DAPK1: variants seen among roughly 807,000 people sequenced by gnomAD.
DAPK1 encodes the protein death-associated protein kinase 1.
A neutral mutation model predicts 144.9 loss-of-function variants in DAPK1; 56 were observed. That is an observed-to-expected ratio of 0.39 (90% confidence interval 0.31 to 0.48). DAPK1 has a LOEUF of 0.48. Among genes scored for constraint, DAPK1 ranks in the 20% least tolerant of loss-of-function variants. The probability of loss-of-function intolerance (pLI) is 0.95; values close to 1 mark genes in which losing one functional copy is unlikely to be tolerated. For missense variants in DAPK1, 1,454 were observed against 1,875.4 expected (o/e 0.78, Z 4.15); for synonymous variants, 690 against 749.0 (o/e 0.92, Z 1.29).
At chr9:87,570,974 A>AG (rs1827308855) in intron 2 of DAPK1, among the ~76,000 whole-genome samples, 1 of 152,244 alleles carries the variant, frequency 6.6e-6, no homozygotes, top group South Asian at 2.1e-4. Flanking sequence ...TGAGGCTGAT[A>AG]GAAAAGTCAC....
chr9:87,606,016 C>T (rs923099711), intron 3 of DAPK1, among the ~76,000 whole-genome samples: 1 of 152,194 alleles, frequency 6.6e-6, no homozygotes, highest in African/African-American at 2.4e-5. Flanking sequence ...TGAGGACAAA[C>T]CAATCCTCAG....
intron 3 of DAPK1, among the ~76,000 whole-genome samples, chr9:87,633,619 C>T (rs1244220853): frequency 6.6e-6 from 1 of 152,102 alleles, no homozygotes; most frequent in African/African-American, 2.4e-5. Context: ...AGTCCTGGTC[C>T]CTAACTCTTG....
chr9:87,675,748 A>T (rs963102892), intron 19 of DAPK1, among the ~76,000 whole-genome samples: 2 of 151,640 alleles, frequency 1.3e-5, no homozygotes, highest in African/African-American at 4.9e-5. Flanking sequence ...AGGCTCTATT[A>T]CTTAGTGAGC....
At chr9:87,635,831 C>T (rs1215832795) in intron 3 of DAPK1, among the ~76,000 whole-genome samples, 1 of 152,176 alleles carries the variant, frequency 6.6e-6, no homozygotes, top group African/African-American at 2.4e-5. Context: ...GGACTGGATG[C>T]AGGCACTTGA....
intron 2 of DAPK1, among the ~76,000 whole-genome samples, chr9:87,603,858 T>C (rs1828614992): frequency 6.6e-6 from 1 of 152,198 alleles, no homozygotes; most frequent in South Asian, 2.1e-4. Context: ...CTTATTATTT[T>C]GAGTCAAGTT....
intron 2 of DAPK1, among the ~76,000 whole-genome samples, chr9:87,546,192 T>C (rs980116379): frequency 1.3e-5 from 2 of 152,150 alleles, no homozygotes; most frequent in Non-Finnish European, 2.9e-5. Context: ...ATCTGGGAGA[T>C]GACCGTCAAT....
Position 87,499,013 on chromosome 9 carries a change from G to A in DAPK1, c.-65G>A. On this transcript the variant is annotated 5_prime_UTR_variant, in exon 2 of 26. Transcript: ENST00000408954. Reference sequence around the variant, plus strand: ...GAGGGGGCTACGGAGGCGCAGGAGCGGTGGTGATGGTCTGGGAAGCGGAGC... The same window carrying A: ...GAGGGGGCTACGGAGGCGCAGGAGCAGTGGTGATGGTCTGGGAAGCGGAGC... 1 of 1,340,586 alleles carries A rather than the reference G, an allele frequency of 7.5e-7. No homozygotes were observed. Among genetic ancestry groups the A allele is most frequent in the South Asian group, 1.2e-5 (1 of 85,228 alleles). The allele number at this position is 1,340,586 out of a possible 1,614,324, so 83.0% of individuals were successfully genotyped here. A position where few individuals can be genotyped will look rare whatever the true frequency, so the allele number is the denominator to read the frequency against.
chr9:87,498,639 G>A (rs1016527981), intron 1 of DAPK1: 4 of 345,130 alleles, frequency 1.2e-5, no homozygotes, highest in African/African-American at 2.1e-5. Context: ...CCCTGGAGGT[G>A]GGAAAGCTGG....
At chr9:87,624,993 G>A (rs1318249853) in intron 3 of DAPK1, among the ~76,000 whole-genome samples, 2 of 152,184 alleles carry the variant, frequency 1.3e-5, no homozygotes, top group Non-Finnish European at 2.9e-5. Flanking sequence ...AACTACAGCC[G>A]GTGGTCCCGA....
chr9:87,585,710 T>C (rs1827922969), intron 2 of DAPK1, among the ~76,000 whole-genome samples: 1 of 152,232 alleles, frequency 6.6e-6, no homozygotes, highest in South Asian at 2.1e-4. Flanking sequence ...TAGTTTTATA[T>C]TATAGCTATA....
At chr9:87,594,749 T>G (rs1380913427) in intron 2 of DAPK1, among the ~76,000 whole-genome samples, 1 of 152,232 alleles carries the variant, frequency 6.6e-6, no homozygotes, top group East Asian at 1.9e-4. Flanking sequence ...TCCAAATCCT[T>G]TGCCAGTCTC....
chr9:87,560,469 T>C (rs1275913119), intron 2 of DAPK1, among the ~76,000 whole-genome samples: 2 of 152,190 alleles, frequency 1.3e-5, no homozygotes, highest in African/African-American at 2.4e-5. Flanking sequence ...AACTGAAATT[T>C]CGTGCCTACT....
chr9:87,501,442 G>A (rs1359416176), intron 2 of DAPK1, among the ~76,000 whole-genome samples: 2 of 152,224 alleles, frequency 1.3e-5, no homozygotes, highest in African/African-American at 4.8e-5. Flanking sequence ...CTATTTGGGA[G>A]GCTGAGGCAT....
intron 21 of DAPK1, among the ~76,000 whole-genome samples, chr9:87,694,686 G>A (rs60573820): frequency 0.012 from 1,776 of 152,320 alleles, 15 homozygotes; most frequent in South Asian, 0.023. Context: ...GGACAGTGGG[G>A]TCTCTGTCAA....
At chr9:87,662,571 T>TTTTGTTG (rs1284356876) in intron 18 of DAPK1, among the ~76,000 whole-genome samples, 1 of 121,306 alleles carries the variant, frequency 8.2e-6, no homozygotes, top group East Asian at 3.3e-4. Context: ...TTTTTTTTTT[T>TTTTGTTG]TTTTTTTTTT....
rs188515910 is a variant in DAPK1 at position 87,560,185 on chromosome 9, G to A, written c.63-44769G>A. Among the ~76,000 whole-genome samples, 508 of 151,638 alleles carry A rather than the reference G, an allele frequency of 3.4e-3. 1 individual carries two copies. The highest frequency in any genetic ancestry group is 5.5e-3 in the Admixed American group (84 of 15,208). On this transcript the variant is annotated intron_variant, in intron 2 of 25. Transcript: ENST00000408954. The stretch of plus-strand genomic sequence containing the variant: ...TTTGTATTTTTTTTTTAGTAGAGAC[G>A]GGGTTTCGCCATGTTGACCAGGGTG...
chr9:87,532,092 G>T (rs1440829314), intron 2 of DAPK1, among the ~76,000 whole-genome samples: 1 of 152,124 alleles, frequency 6.6e-6, no homozygotes, highest in Non-Finnish European at 1.5e-5. Context: ...CCTCATGTTG[G>T]CAATCACACA....
At chr9:87,605,589 C>G (rs1047863666) in intron 3 of DAPK1, among the ~76,000 whole-genome samples, 7 of 151,794 alleles carry the variant, frequency 4.6e-5, no homozygotes, top group African/African-American at 1.7e-4. Context: ...CTTCCCCCAT[C>G]TCTTCCCCCT....
chr9:87,557,057 G>A (rs956186501), intron 2 of DAPK1, among the ~76,000 whole-genome samples: 6 of 152,328 alleles, frequency 3.9e-5, no homozygotes, highest in Admixed American at 3.9e-4. Flanking sequence ...GAGGAAGGCA[G>A]CCTGGCCCTT....
Sources: gnomAD v4.1 joint callset for allele counts (sites outside exome capture counted in the v4.1 genomes callset) on GRCh38, gnomAD v4.1.1 for gene constraint, MANE v1.5 for transcripts, NCBI Gene and HGNC (gene_info 2026-07-23, HGNC 2026-07-21) for gene names.